Variants in PLXNC1 observed in about 807,000 individuals in gnomAD.
PLXNC1 encodes the protein plexin C1.
Under a neutral mutation model 178.2 loss-of-function variants are expected in PLXNC1, and 75 were observed. That is an observed-to-expected ratio of 0.42 (90% CI 0.35 to 0.51). The LOEUF (loss-of-function observed/expected upper bound fraction) is 0.51, where lower values mean the gene tolerates loss of function less well. Among genes scored for constraint, PLXNC1 ranks in the 20% least tolerant of loss-of-function variants. The pLI is 0.02. For missense variants in PLXNC1, 1,503 were observed against 1,984.4 expected, an observed-to-expected ratio of 0.76 and a Z score of 4.61; for synonymous variants, 790 against 779.9, an observed-to-expected ratio of 1.01 and a Z score of -0.22.
chr12:94,262,683 G>C (rs1965029370), intron 20 of PLXNC1: 4 of 985,282 alleles, frequency 4.1e-6, no homozygotes, highest in South Asian at 9.4e-5. Flanking sequence ...TGCTCAAGGG[G>C]GTCTGGGACA....
intron 20 of PLXNC1, among the ~76,000 whole-genome samples, chr12:94,264,078 C>G (rs1965095757): frequency 6.6e-6 from 1 of 152,052 alleles, no homozygotes; most frequent in African/African-American, 2.4e-5. Flanking sequence ...CACTAAGGCA[C>G]TTTGACTTCC....
In PLXNC1 at chr12:94,245,144, T is replaced by A. The variant is rs117051435; in HGVS notation, c.2388+1119T>A. Among the ~76,000 whole-genome samples, 412 of 152,308 alleles carry A rather than the reference T, an allele frequency of 2.7e-3. 11 individuals carry two copies. The East Asian group carries it at 0.068, about 25-fold the overall frequency. On this transcript the variant is annotated intron_variant, in intron 12 of 30. Coordinates refer to ENST00000258526, the MANE Select transcript of PLXNC1 (RefSeq NM_005761.3). ...TTCCAAGCCTCACACTGTATCTGAC[T>A]CCAGGCCTCATCTCCATGGTGTGAA...
At chr12:94,241,462 CATT>C (rs1468031796) in intron 11 of PLXNC1, among the ~76,000 whole-genome samples, 1 of 152,126 alleles carries the variant, frequency 6.6e-6, no homozygotes, top group Non-Finnish European at 1.5e-5. Context: ...TATTCTATCT[CATT>C]GTATTTTTGT....
chr12:94,220,788 G>A (rs1963774499), intron 6 of PLXNC1, among the ~76,000 whole-genome samples: 1 of 152,192 alleles, frequency 6.6e-6, no homozygotes, highest in Non-Finnish European at 1.5e-5. Flanking sequence ...AAGCTTCCTG[G>A]AGGAAGTGAT....
chr12:94,177,232 T>C (rs1484509827), intron 2 of PLXNC1, among the ~76,000 whole-genome samples: 4 of 22,004 alleles, frequency 1.8e-4, no homozygotes, highest in Non-Finnish European at 4.3e-4. Flanking sequence ...TATATATACA[T>C]ATATATATAT....
At chr12:94,177,165 A>ATG (rs1239269103) in intron 2 of PLXNC1, among the ~76,000 whole-genome samples, 2 of 63,364 alleles carry the variant, frequency 3.2e-5, no homozygotes, top group South Asian at 3.8e-4. Flanking sequence ...ATATATGTAT[A>ATG]TATATATATA....
intron 20 of PLXNC1, among the ~76,000 whole-genome samples, chr12:94,264,553 T>C (rs899171281): frequency 6.6e-6 from 1 of 152,226 alleles, no homozygotes; most frequent in Non-Finnish European, 1.5e-5. Context: ...CTGCAAACTG[T>C]TGAACGGCAG....
intron 1 of PLXNC1, among the ~76,000 whole-genome samples, chr12:94,161,108 A>G (rs1961366662): frequency 1.3e-5 from 2 of 152,080 alleles, no homozygotes; most frequent in Admixed American, 1.3e-4. Context: ...ATCCAGTTTC[A>G]TGGATTCCCT....
chr12:94,262,401 G>A, intron 20 of PLXNC1: 1 of 741,134 alleles, frequency 1.3e-6, no homozygotes, highest in African/African-American at 1.9e-5. Flanking sequence ...TGGATCTTGT[G>A]ATTCTTAACT....
intron 4 of PLXNC1, among the ~76,000 whole-genome samples, chr12:94,203,824 G>A (rs556033149): frequency 7.9e-5 from 12 of 152,206 alleles, no homozygotes; most frequent in Non-Finnish European, 1.8e-4. Context: ...AGCGTGTGTT[G>A]GGAATTTAAT....
chr12:94,242,853 AG>A (rs1964427384), intron 11 of PLXNC1, among the ~76,000 whole-genome samples: 1 of 152,150 alleles, frequency 6.6e-6, no homozygotes, highest in Non-Finnish European at 1.5e-5. Flanking sequence ...GGGGAGGAAA[AG>A]GGTTCAAACA....
chr12:94,153,238 C>T (rs547663727), intron 1 of PLXNC1, among the ~76,000 whole-genome samples: 1 of 152,234 alleles, frequency 6.6e-6, no homozygotes, highest in Non-Finnish European at 1.5e-5. Flanking sequence ...CATCTCTACT[C>T]TTCCCACCAC....
intron 9 of PLXNC1, among the ~76,000 whole-genome samples, chr12:94,235,181 A>G (rs1964208460): frequency 6.6e-6 from 1 of 152,170 alleles, no homozygotes; most frequent in East Asian, 1.9e-4. Context: ...TAGATGGCCA[A>G]GAGAACCCTC....
Position 94,306,639 on chromosome 12 carries a change from T to C in PLXNC1, c.*1354T>C, listed in dbSNP as rs1969049087. 1 of 152,202 alleles carries C rather than the reference T, an allele frequency of 6.6e-6. No homozygotes were observed. The highest frequency in any genetic ancestry group is 2.1e-4 in the South Asian group (1 of 4,822). The allele number at this position is 152,202 out of a possible 1,614,324, so 9.4% of individuals were successfully genotyped here. A position where few individuals can be genotyped will look rare whatever the true frequency, so the allele number is the denominator to read the frequency against. Reference sequence around the variant, plus strand: ...CAAATCCCCCATCTAGGAAAGAAAATTTTTTCAAGTCAAATAACATTGATC... The same window carrying C: ...CAAATCCCCCATCTAGGAAAGAAAACTTTTTCAAGTCAAATAACATTGATC... On this transcript the variant is annotated 3_prime_UTR_variant, in exon 31 of 31. Coordinates refer to ENST00000258526, the MANE Select transcript of PLXNC1 (RefSeq NM_005761.3).
At chr12:94,193,879 T>C (rs1962816442) in intron 4 of PLXNC1, among the ~76,000 whole-genome samples, 2 of 152,144 alleles carry the variant, frequency 1.3e-5, no homozygotes, top group South Asian at 4.1e-4. Flanking sequence ...ACTTCCACAC[T>C]GGCAACATGG....
intron 23 of PLXNC1, among the ~76,000 whole-genome samples, chr12:94,287,550 A>T (rs1434040454): frequency 2.6e-5 from 4 of 152,164 alleles, no homozygotes; most frequent in African/African-American, 9.7e-5. Flanking sequence ...ATTTTCTCTA[A>T]AGATTACACT....
intron 23 of PLXNC1, among the ~76,000 whole-genome samples, chr12:94,286,303 G>C (rs1966840134): frequency 6.6e-6 from 1 of 152,112 alleles, no homozygotes; most frequent in Admixed American, 6.5e-5. Flanking sequence ...GAAGGAAACG[G>C]GAGGTCATTG....
intron 3 of PLXNC1, among the ~76,000 whole-genome samples, chr12:94,183,610 C>T (rs56395330): frequency 0.17 from 25,659 of 152,190 alleles, 2,311 homozygotes; most frequent in Non-Finnish European, 0.18. Context: ...TTAATCCATG[C>T]GTGTTTTTCC....
intron 21 of PLXNC1, among the ~76,000 whole-genome samples, chr12:94,275,812 G>A (rs148006678): frequency 0.064 from 4,605 of 72,428 alleles, 766 homozygotes; most frequent in African/African-American, 0.18. Context: ...CCGAGATCCC[G>A]CCACTGCACT....
Sources: allele counts gnomAD v4.1 joint callset (sites outside exome capture counted in the v4.1 genomes callset), GRCh38; gene constraint gnomAD v4.1.1; transcripts MANE v1.5; gene names NCBI Gene and HGNC (gene_info 2026-07-23, HGNC 2026-07-21).